SH3RF3: variants seen among roughly 807,000 people sequenced by gnomAD.
SH3RF3 encodes SH3 domain containing ring finger 3.
SH3RF3 carries 29 observed loss-of-function variants against 66.3 expected under a neutral mutation model. That is an observed-to-expected ratio of 0.44 (90% CI 0.33 to 0.60). SH3RF3 has a LOEUF of 0.60. Ranked by LOEUF, SH3RF3 falls within the 20% of genes least tolerant of loss-of-function variation. The probability of loss-of-function intolerance (pLI) is 0.04; values close to 1 mark genes in which losing one functional copy is unlikely to be tolerated. For synonymous variants in SH3RF3, 583 were observed against 532.0 expected (o/e 1.10, Z -1.32); for missense variants, 1,194 against 1,190.9 (o/e 1.00, Z -0.04).
At chr2:109,210,713 G>A (rs549076970) in intron 1 of SH3RF3, among the ~76,000 whole-genome samples, 3 of 152,272 alleles carry the variant, frequency 2.0e-5, no homozygotes, top group South Asian at 2.1e-4. Context: ...TTTTCCTCCC[G>A]GGGTTCTCTC....
At chr2:109,191,465 C>G (rs969046097) in intron 1 of SH3RF3, among the ~76,000 whole-genome samples, 2 of 152,156 alleles carry the variant, frequency 1.3e-5, no homozygotes, top group Non-Finnish European at 2.9e-5. Flanking sequence ...TGCGGCCAGG[C>G]TGTATTGTTG....
At chr2:109,261,957 A>G (rs1352550265) in intron 1 of SH3RF3, among the ~76,000 whole-genome samples, 1 of 151,980 alleles carries the variant, frequency 6.6e-6, no homozygotes, top group Non-Finnish European at 1.5e-5. Context: ...GTAGCATTCC[A>G]CTTCATTACA....
chr2:109,437,198 G>T, intron 7 of SH3RF3, 52 bp downstream of exon 7: 1 of 1,547,372 alleles, frequency 6.5e-7, no homozygotes, highest in South Asian at 1.2e-5. Context: ...GGGCTTCCTG[G>T]GACATGCTTG....
chr2:109,150,998 G>C (rs572824367), intron 1 of SH3RF3, among the ~76,000 whole-genome samples: 1 of 152,312 alleles, frequency 6.6e-6, no homozygotes, highest in African/African-American at 2.4e-5. Context: ...CTGAAACATT[G>C]ATGAAGGTCG....
intron 1 of SH3RF3, among the ~76,000 whole-genome samples, chr2:109,160,257 G>C (rs1310448502): frequency 6.6e-6 from 1 of 152,324 alleles, no homozygotes; most frequent in East Asian, 1.9e-4. Flanking sequence ...GTGACCCATG[G>C]AGTGTGACAG....
chr2:109,262,495 G>T (rs2105293745), intron 1 of SH3RF3, among the ~76,000 whole-genome samples: 1 of 152,314 alleles, frequency 6.6e-6, no homozygotes, highest in Admixed American at 6.5e-5. Context: ...ACTCTCTGCA[G>T]CCAGGTAAAC....
chr2:109,279,053 G>A (rs1467785304), intron 1 of SH3RF3, among the ~76,000 whole-genome samples: 1 of 152,186 alleles, frequency 6.6e-6, no homozygotes, highest in Admixed American at 6.5e-5. Flanking sequence ...TGATGGGGGA[G>A]CATGAAAGTA....
At chr2:109,206,490 CAAAAAAAAAA>C (rs36060217) in intron 1 of SH3RF3, among the ~76,000 whole-genome samples, 2 of 40,756 alleles carry the variant, frequency 4.9e-5, no homozygotes, top group African/African-American at 2.0e-4. Context: ...GACTCCGTCT[CAAAAAAAAAA>C]AAAAAAAAAA....
At chr2:109,411,469 A>T (rs1676587154) in intron 4 of SH3RF3, among the ~76,000 whole-genome samples, 1 of 151,680 alleles carries the variant, frequency 6.6e-6, no homozygotes, top group South Asian at 2.1e-4. Context: ...CAGTGGGAGG[A>T]CCCCTGACCC....
At chr2:109,432,399 T>C in intron 5 of SH3RF3, 102 bp from the exon 6 acceptor site, 3 of 1,457,694 alleles carry the variant, frequency 2.1e-6, no homozygotes, top group Non-Finnish European at 2.8e-6. Context: ...TGGGTCTTTT[T>C]AGGTTGGGTT....
intron 5 of SH3RF3, among the ~76,000 whole-genome samples, chr2:109,422,549 G>A (rs1676910227): frequency 6.6e-6 from 1 of 152,208 alleles, no homozygotes; most frequent in Admixed American, 6.5e-5. Context: ...GTGCATGGAG[G>A]CGACTGTGAG....
chr2:109,316,087 A>G (rs1189748061), intron 1 of SH3RF3, among the ~76,000 whole-genome samples: 1 of 152,222 alleles, frequency 6.6e-6, no homozygotes, highest in African/African-American at 2.4e-5. Context: ...CATTTCCAGT[A>G]TGCAATTGTA....
intron 1 of SH3RF3, among the ~76,000 whole-genome samples, chr2:109,157,887 A>G (rs982234059): frequency 1.3e-5 from 2 of 152,094 alleles, no homozygotes; most frequent in Non-Finnish European, 2.9e-5. Context: ...GACCCTCAGG[A>G]TGGCTTTTCT....
chr2:109,257,618 A>C (rs1037844329), intron 1 of SH3RF3, among the ~76,000 whole-genome samples: 3 of 152,062 alleles, frequency 2.0e-5, no homozygotes, highest in African/African-American at 7.2e-5. Flanking sequence ...TCTGCCTGCC[A>C]CCCATCCCAT....
intron 1 of SH3RF3, among the ~76,000 whole-genome samples, chr2:109,302,627 C>T (rs768907773): frequency 2.5e-4 from 38 of 152,214 alleles, no homozygotes; most frequent in Non-Finnish European, 3.4e-4. Flanking sequence ...GGGGATTAGC[C>T]AGCCCAGGCC....
At chr2:109,428,330 C>T (rs1476348311) in intron 5 of SH3RF3, among the ~76,000 whole-genome samples, 1 of 152,236 alleles carries the variant, frequency 6.6e-6, no homozygotes, top group Non-Finnish European at 1.5e-5. Flanking sequence ...AATCTGCAGA[C>T]AATTAGCAGC....
At chr2:109,198,519 T>G (rs1336099172) in intron 1 of SH3RF3, among the ~76,000 whole-genome samples, 2 of 152,192 alleles carry the variant, frequency 1.3e-5, no homozygotes, top group Non-Finnish European at 2.9e-5. Flanking sequence ...CTGTGTGGCT[T>G]AAACAGCAGA....
chr2:109,136,773 A>G (rs1384377099), intron 1 of SH3RF3, among the ~76,000 whole-genome samples: 2 of 152,218 alleles, frequency 1.3e-5, no homozygotes. Context: ...GTGAGTTTAA[A>G]TGAATTAGGA....
chr2:109,432,063 G>C (rs991738141), intron 5 of SH3RF3, among the ~76,000 whole-genome samples: 5 of 152,284 alleles, frequency 3.3e-5, no homozygotes, highest in Admixed American at 3.3e-4. Context: ...CCCAAGAATA[G>C]CTTAGCTCAC....
Sources: allele counts gnomAD v4.1 joint callset (sites outside exome capture counted in the v4.1 genomes callset), GRCh38; gene constraint gnomAD v4.1.1; transcripts MANE v1.5; gene names NCBI Gene and HGNC (gene_info 2026-07-23, HGNC 2026-07-21).